The following ARMC9 variants were observed in gnomAD, a reference collection of about 807,000 sequenced individuals.
The protein encoded by ARMC9 is lisH domain-containing protein ARMC9.
In ARMC9, 94 loss-of-function variants were observed where a neutral mutation model predicts 107.0. That is an observed-to-expected ratio of 0.88 (90% CI 0.74 to 1.04). ARMC9 has a LOEUF of 1.04. Ranked by LOEUF, ARMC9 falls within the 50% of genes least tolerant of loss-of-function variation. The pLI, the probability that ARMC9 is intolerant of heterozygous loss-of-function variation, is 0.00. For synonymous variants in ARMC9, 380 were observed against 396.9 expected (o/e 0.96, Z 0.51); for missense variants, 942 against 1,030.1 (o/e 0.91, Z 1.17).
At chr2:231,281,956 C>T in intron 16 of ARMC9, 103 bp from the exon 17 acceptor site, 3 of 1,089,328 alleles carry the variant, frequency 2.8e-6, no homozygotes, top group Non-Finnish European at 2.8e-6. Context: ...CGGGAACACC[C>T]ACTCTCCCCA....
chr2:231,213,320 C>T (rs1280721898), intron 3 of ARMC9, among the ~76,000 whole-genome samples: 1 of 151,596 alleles, frequency 6.6e-6, no homozygotes, highest in Non-Finnish European at 1.5e-5. Flanking sequence ...CATGTCACCA[C>T]ACCCAGCTAA....
intron 1 of ARMC9, among the ~76,000 whole-genome samples, chr2:231,204,176 GAAAAAA>G (rs5839392): frequency 4.1e-5 from 4 of 98,284 alleles, no homozygotes; most frequent in Admixed American, 1.1e-4. Context: ...TCTGTCTCAG[GAAAAAA>G]AAAAAAAAAA....
chr2:231,315,074 A>G (rs1307184279), intron 19 of ARMC9, among the ~76,000 whole-genome samples: 2 of 151,856 alleles, frequency 1.3e-5, no homozygotes, highest in African/African-American at 4.8e-5. Flanking sequence ...CCCCATCTCT[A>G]TTAAACATAC....
At chr2:231,269,169 T>C (rs938059697) in intron 12 of ARMC9, among the ~76,000 whole-genome samples, 2 of 152,304 alleles carry the variant, frequency 1.3e-5, no homozygotes, top group Non-Finnish European at 2.9e-5. Flanking sequence ...CAATTTCCCA[T>C]TGACGTCCTT....
intron 8 of ARMC9, among the ~76,000 whole-genome samples, chr2:231,237,209 C>CGTGTGTGT (rs1189504656): frequency 2.9e-5 from 3 of 101,760 alleles, no homozygotes; most frequent in Admixed American, 1.8e-4. Context: ...TGTGTGTGTA[C>CGTGTGTGT]ACACATGCGT....
At chr2:231,337,229 G>T in intron 20 of ARMC9, among the ~76,000 whole-genome samples, 1 of 148,758 alleles carries the variant, frequency 6.7e-6, no homozygotes, top group African/African-American at 2.5e-5. Context: ...CTGCTTATTA[G>T]GGGATTTGTT....
intron 12 of ARMC9, 28 bp from the exon 13 acceptor site, chr2:231,270,954 T>C: frequency 6.2e-7 from 1 of 1,607,538 alleles, no homozygotes; most frequent in Middle Eastern, 1.7e-4. Context: ...TTCTTAACCT[T>C]GTTTTTCCTC....
chr2:231,244,718 T>C (rs549870912), intron 9 of ARMC9, among the ~76,000 whole-genome samples: 1 of 152,322 alleles, frequency 6.6e-6, no homozygotes, highest in South Asian at 2.1e-4. Context: ...CTCTTGTGCC[T>C]GGGAATTACG....
At chr2:231,252,735 C>G (rs1028993776) in intron 9 of ARMC9, among the ~76,000 whole-genome samples, 2 of 152,050 alleles carry the variant, frequency 1.3e-5, no homozygotes, top group African/African-American at 4.8e-5. Flanking sequence ...CTCCCAGGCT[C>G]AAGCAATCCT....
chr2:231,222,715 C>CTTTTTT lies in ARMC9; in HGVS notation c.505-12_505-7dup. On this transcript the variant is annotated splice_polypyrimidine_tract_variant and intron_variant, in intron 5 of 24. Coordinates refer to ENST00000611582, the MANE Select transcript of ARMC9 (RefSeq NM_001352754.2). ...AATCTAATGTTTGTATTTTTGTTCC[C>CTTTTTT]TTTTTTCTTTAGGATTCCTGGACTC... 7.0e-7 allele frequency: 1 copy of CTTTTTT among 1,434,698 alleles called. No homozygotes were observed. The highest frequency in any genetic ancestry group is 1.8e-5 in the Admixed American group (1 of 55,278). 88.9% of individuals were successfully genotyped at this position (1,434,698 alleles called of 1,614,324 possible).
At chr2:231,231,388 T>C (rs2035200672) in intron 7 of ARMC9, among the ~76,000 whole-genome samples, 4 of 152,230 alleles carry the variant, frequency 2.6e-5, no homozygotes, top group Admixed American at 2.6e-4. Flanking sequence ...AAAAACTTTA[T>C]TTGTATTCAT....
At chr2:231,270,057 C>G (rs976089752) in intron 12 of ARMC9, among the ~76,000 whole-genome samples, 2 of 152,112 alleles carry the variant, frequency 1.3e-5, no homozygotes, top group African/African-American at 4.8e-5. Context: ...CTGGGAACCT[C>G]TGATTTCACG....
At position 231,317,125 on chromosome 2, in the gene ARMC9, T is replaced by C. The variant is rs2042738517; in HGVS notation, c.1774-14668T>C. ...TTGGTTCTTAGCGGTTTGTCTATGATGTACCTAGGTGTGGGTTTTTCTGTG... is the reference window on the plus strand; with the variant it reads ...TTGGTTCTTAGCGGTTTGTCTATGACGTACCTAGGTGTGGGTTTTTCTGTG... On this transcript the variant is annotated intron_variant, in intron 19 of 24. Coordinates refer to ENST00000611582, the MANE Select transcript of ARMC9 (RefSeq NM_001352754.2). Among the ~76,000 whole-genome samples, 3 of 152,180 alleles carry C rather than the reference T, an allele frequency of 2.0e-5. No individual in the cohort carries two copies. The South Asian group carries it at 6.2e-4, about 31-fold the overall frequency.
chr2:231,361,136 G>A (rs2045560345), intron 23 of ARMC9, among the ~76,000 whole-genome samples: 2 of 152,214 alleles, frequency 1.3e-5, no homozygotes, highest in Non-Finnish European at 2.9e-5. Flanking sequence ...ATGCCCATGG[G>A]ACTAGTTTTC....
intron 19 of ARMC9, among the ~76,000 whole-genome samples, chr2:231,307,198 A>G (rs2042080980): frequency 6.6e-6 from 1 of 152,246 alleles, no homozygotes; most frequent in Non-Finnish European, 1.5e-5. Flanking sequence ...TCACACAAGG[A>G]AGCACTGGGG....
intron 8 of ARMC9, 149 bp downstream of exon 8, chr2:231,235,530 T>C (rs142205130): frequency 2.3e-5 from 21 of 896,758 alleles, no homozygotes; most frequent in Admixed American, 3.2e-5. Context: ...CCAACATGCA[T>C]GAAGGAGATA....
Position 231,309,475 on chromosome 2 carries a change from T to C in ARMC9, c.1773+13222T>C, listed in dbSNP as rs956713757. 3.9e-5 allele frequency among the ~76,000 whole-genome samples: 6 copies of C among 152,180 alleles called. No individual in the cohort carries two copies. In the South Asian group the frequency reaches 8.3e-4, roughly 21 times the overall value. On this transcript the variant is annotated intron_variant, in intron 19 of 24. Transcript: ENST00000611582. ...TTTCATTATTTGATAAATAAATGCATTCTACATTATTTCATTTTACAATAT... is the reference window on the plus strand; with the variant it reads ...TTTCATTATTTGATAAATAAATGCACTCTACATTATTTCATTTTACAATAT...
chr2:231,313,741 A>G (rs1164730845), intron 19 of ARMC9, among the ~76,000 whole-genome samples: 1 of 151,434 alleles, frequency 6.6e-6, no homozygotes, highest in Non-Finnish European at 1.5e-5. Flanking sequence ...GCATGTGGCT[A>G]GTGTTTTCAT....
At chr2:231,323,179 A>C (rs1469888868) in intron 19 of ARMC9, among the ~76,000 whole-genome samples, 1 of 151,994 alleles carries the variant, frequency 6.6e-6, no homozygotes, top group Non-Finnish European at 1.5e-5. Context: ...ACAGAGCAAA[A>C]ACCTGTCTCT....
Sources: gnomAD v4.1 joint callset for allele counts (sites outside exome capture counted in the v4.1 genomes callset) on GRCh38, gnomAD v4.1.1 for gene constraint, MANE v1.5 for transcripts, NCBI Gene and HGNC (gene_info 2026-07-23, HGNC 2026-07-21) for gene names.